Variants in CLDN18 observed in about 807,000 individuals in gnomAD.
CLDN18 encodes the protein claudin-18.
Under a neutral mutation model 25.0 loss-of-function variants are expected in CLDN18, and 20 were observed. The observed-to-expected ratio is 0.80, with a 90% CI of 0.56 to 1.16. The LOEUF (loss-of-function observed/expected upper bound fraction) is 1.16. Among genes scored for constraint, CLDN18 ranks in the 50% most tolerant of loss-of-function variants. The pLI is 0.00. For synonymous variants in CLDN18, 125 were observed against 135.6 expected, an observed-to-expected ratio of 0.92 and a Z score of 0.54; for missense variants, 297 against 345.4, an observed-to-expected ratio of 0.86 and a Z score of 1.11.
intron 2 of CLDN18, 98 bp from the exon 3 acceptor site, chr3:138,024,509 G>T: frequency 1.4e-6 from 1 of 727,446 alleles, no homozygotes; most frequent in Non-Finnish European, 2.5e-6. Context: ...ACAATATTCT[G>T]CAGCCTACTC....
Position 138,010,442 on chromosome 3 carries a change from C to T in CLDN18, c.217C>T (p.Pro73Ser), listed in dbSNP as rs372756802. ...GCCCTATTTCACCATCCTGGGACTTCCAGGTAGGCACCGTGCACCCCGGGG... is the reference window on the plus strand; with the variant it reads ...GCCCTATTTCACCATCCTGGGACTTTCAGGTAGGCACCGTGCACCCCGGGG... ...CRPYFTILGL[P>S]AMLQAVRALM... is the part of the protein sequence containing the mutation. Residue 73 changes from proline to serine, a missense_variant, in exon 1 of 5, where the codon CCA (proline) becomes TCA (serine). Transcript: ENST00000183605. 1 of 1,614,196 alleles carries T rather than the reference C, an allele frequency of 6.2e-7. No individual in the cohort carries two copies. The highest frequency in any genetic ancestry group is 8.5e-7 in the Non-Finnish European group (1 of 1,180,008).
chr3:138,012,870 G>A (rs1183721324), intron 1 of CLDN18, among the ~76,000 whole-genome samples: 1 of 152,190 alleles, frequency 6.6e-6, no homozygotes, highest in Non-Finnish European at 1.5e-5. Flanking sequence ...GAAGAAAGTG[G>A]TTATTCAGTA....
At chr3:138,023,889 C>T in intron 2 of CLDN18, 67 bp downstream of exon 2, 1 of 1,485,414 alleles carries the variant, frequency 6.7e-7, no homozygotes, top group South Asian at 1.2e-5. Context: ...GTAGAGAAAA[C>T]ATGACTCCTC....
chr3:138,012,908 G>A (rs2107879943), intron 1 of CLDN18, among the ~76,000 whole-genome samples: 1 of 152,184 alleles, frequency 6.6e-6, no homozygotes, highest in East Asian at 1.9e-4. Context: ...AGGAAATCAG[G>A]ACAGTTTTGC....
chr3:138,018,016 C>T (rs1942227869), intron 1 of CLDN18, among the ~76,000 whole-genome samples: 1 of 152,170 alleles, frequency 6.6e-6, no homozygotes, highest in South Asian at 2.1e-4. Context: ...CACAAAGCAT[C>T]ATGCCCTAGG....
In CLDN18 at chr3:138,020,053, A is replaced by G. The variant is rs562875070; in HGVS notation, c.221-3605A>G. Among the ~76,000 whole-genome samples the G allele has an allele frequency of 9.2e-5, 14 of 152,316 alleles. No homozygotes were observed. The South Asian group carries it at 2.5e-3, about 27-fold the overall frequency. ...TGGCTAAAAGAGAAACCTACCTGCT[A>G]CTTGCTTTGTGGCAGTTTTCTCTGT... On this transcript the variant is annotated intron_variant, in intron 1 of 4. Coordinates refer to ENST00000183605, the MANE Select transcript of CLDN18 (RefSeq NM_016369.4).
intron 3 of CLDN18, among the ~76,000 whole-genome samples, chr3:138,027,225 T>G (rs188578826): frequency 7.9e-5 from 12 of 152,346 alleles, no homozygotes; most frequent in African/African-American, 2.4e-4. Context: ...CCCTTTTGGC[T>G]AGGACTCACT....
rs568282724 is a variant in CLDN18, at chr3:138,026,621, G to A, written c.503+1897G>A. The stretch of plus-strand genomic sequence containing the variant: ...GATCGCACCACTGCACTCCAGCCTG[G>A]GTGACAGAGCAAGACTCCATCTCAA... On this transcript the variant is annotated intron_variant, in intron 3 of 4. Coordinates refer to ENST00000183605, the MANE Select transcript of CLDN18 (RefSeq NM_016369.4). 3.3e-5 allele frequency among the ~76,000 whole-genome samples: 5 copies of A among 152,168 alleles called. No homozygotes were observed. The East Asian group carries it at 9.7e-4, about 29-fold the overall frequency.
intron 1 of CLDN18, among the ~76,000 whole-genome samples, chr3:138,015,311 G>A (rs1255333338): frequency 6.6e-6 from 1 of 152,190 alleles, no homozygotes; most frequent in Non-Finnish European, 1.5e-5. Context: ...GTAACAACGA[G>A]CCAGGACCTA....
chr3:138,004,106 G>A (rs1452379673), intron 1 of CLDN18, among the ~76,000 whole-genome samples: 9 of 152,106 alleles, frequency 5.9e-5, no homozygotes, highest in Non-Finnish European at 1.2e-4. Flanking sequence ...CCCTGGAGGT[G>A]GAGGTTGCAG....
chr3:138,029,973 T>C (rs1374870123), intron 4 of CLDN18, 66 bp downstream of exon 4: 1 of 1,022,386 alleles, frequency 9.8e-7, no homozygotes, highest in African/African-American at 1.6e-5. Context: ...AATGTATAAC[T>C]TGCAGCCAAA....
chr3:138,010,932 T>C (rs1942130678), intron 1 of CLDN18, among the ~76,000 whole-genome samples: 1 of 152,188 alleles, frequency 6.6e-6, no homozygotes, highest in Non-Finnish European at 1.5e-5. Flanking sequence ...AAAAGAATAT[T>C]GCCATTAAAT....
chr3:138,018,575 A>G (rs990760484), intron 1 of CLDN18, among the ~76,000 whole-genome samples: 2 of 151,872 alleles, frequency 1.3e-5, no homozygotes, highest in African/African-American at 4.8e-5. Context: ...TGACCTCGTG[A>G]TCCGCCCGCC....
At chr3:138,007,490 C>T (rs1576406342), upstream of CLDN18, among the ~76,000 whole-genome samples, 2 of 131,276 alleles carry the variant, frequency 1.5e-5, no homozygotes, top group East Asian at 4.7e-4. Context: ...GGGAGCTGAA[C>T]AATGAGAACA....
At chr3:138,028,801 C>G (rs964217777) in intron 3 of CLDN18, among the ~76,000 whole-genome samples, 2 of 152,154 alleles carry the variant, frequency 1.3e-5, no homozygotes, top group African/African-American at 2.4e-5. Context: ...AGGCAGCCCC[C>G]CTAGGCAAAG....
exon 1 of CLDN18, chr3:137,999,084 G>A (rs779198840): frequency 6.2e-7 from 1 of 1,614,022 alleles, no homozygotes; most frequent in East Asian, 2.2e-5. Context: ...TGCTGGGGCT[G>A]CCAGGTAAGG....
chr3:138,027,657 A>G (rs1942341622), intron 3 of CLDN18, among the ~76,000 whole-genome samples: 1 of 152,350 alleles, frequency 6.6e-6, no homozygotes, highest in African/African-American at 2.4e-5. Flanking sequence ...GCTTATCACA[A>G]TATCAGTAAG....
upstream of CLDN18, among the ~76,000 whole-genome samples, chr3:138,009,566 C>T (rs917920949): frequency 2.0e-5 from 3 of 152,200 alleles, no homozygotes; most frequent in Non-Finnish European, 2.9e-5. Flanking sequence ...GGACTGGAAG[C>T]TGAGGTGGGA....
rs866760735 is a variant in CLDN18, at chr3:138,032,000, T to C, written c.*859T>C. On this transcript the variant is annotated 3_prime_UTR_variant, in exon 5 of 5. Transcript: ENST00000183605. ...TGAAAAAATAATTGCTTTGACATTG[T>C]CTATATGGTACTTTGTAAAGTCATG... 4 of 152,242 alleles carry C rather than the reference T, an allele frequency of 2.6e-5. No homozygotes were observed. In the South Asian group the frequency reaches 8.3e-4, roughly 31 times the overall value. The allele number at this position is 152,242 out of a possible 1,614,324, so 9.4% of individuals were successfully genotyped here.
Sources: gnomAD v4.1 joint callset for allele counts (sites outside exome capture counted in the v4.1 genomes callset) on GRCh38, gnomAD v4.1.1 for gene constraint, MANE v1.5 for transcripts, NCBI Gene and HGNC (gene_info 2026-07-23, HGNC 2026-07-21) for gene names.